Variants in PIK3C2G observed in about 807,000 individuals in gnomAD.
The protein encoded by PIK3C2G is phosphatidylinositol-4-phosphate 3-kinase catalytic subunit type 2 gamma.
In PIK3C2G, 168 loss-of-function variants were observed where a neutral mutation model predicts 181.1. The ratio of observed to expected loss-of-function variants is 0.93; its 90% CI spans 0.82 to 1.05. PIK3C2G has a LOEUF of 1.05. PIK3C2G is among the 50% of genes least tolerant of loss of function. The pLI is 0.00. For synonymous variants in PIK3C2G, 573 were observed against 592.2 expected (o/e 0.97, Z 0.47); for missense variants, 1,869 against 1,732.8 (o/e 1.08, Z -1.40).
intron 24 of PIK3C2G, among the ~76,000 whole-genome samples, chr12:18,527,351 G>T (rs1326760153): frequency 1.3e-5 from 2 of 152,110 alleles, no homozygotes; most frequent in Non-Finnish European, 2.9e-5. Context: ...CTGTTGCTGG[G>T]GGAAACAACT....
chr12:18,700,509 G>A, the PIK3C2G span, among the ~76,000 whole-genome samples: 3 of 4,534 alleles, frequency 6.6e-4, no homozygotes, highest in Admixed American at 0.021. Context: ...CAGAGCCAAC[G>A]TACAAAAAAA....
At chr12:18,692,426 T>C in the PIK3C2G span, among the ~76,000 whole-genome samples, 1 of 152,144 alleles carries the variant, frequency 6.6e-6, no homozygotes, top group Non-Finnish European at 1.5e-5. Flanking sequence ...AGCATAGCAC[T>C]TAGGTTATAG....
the PIK3C2G span, among the ~76,000 whole-genome samples, chr12:18,719,208 T>C: frequency 6.6e-6 from 1 of 152,160 alleles, no homozygotes; most frequent in Non-Finnish European, 1.5e-5. Context: ...CAGGTGGGAT[T>C]AGAAGGAAAG....
At position 18,253,099 on chromosome 12, in the gene PIK3C2G, A is replaced by C. The variant is rs1177424931; in HGVS notation, c.-79+5017A>C. Among the ~76,000 whole-genome samples the C allele has an allele frequency of 2.0e-5, 3 of 152,150 alleles. No individual in the cohort carries two copies. In the South Asian group the frequency reaches 6.2e-4, roughly 31 times the overall value. ...AGATCTATGCGTCTCACTGTGTATA[A>C]ATTATATCTCAAGAAAAATGATCAT... On this transcript the variant is annotated intron_variant, in intron 1 of 11. Coordinates refer to the PIK3C2G transcript ENST00000535651.
upstream of PIK3C2G, among the ~76,000 whole-genome samples, chr12:18,260,424 G>C (rs1948203332): frequency 6.6e-6 from 1 of 152,022 alleles, no homozygotes; most frequent in African/African-American, 2.4e-5. Context: ...AGGTATGATT[G>C]TTTTCCTGTG....
chr12:18,327,038 A>G (rs1377945527), intron 8 of PIK3C2G, among the ~76,000 whole-genome samples: 2 of 152,122 alleles, frequency 1.3e-5, no homozygotes, highest in East Asian at 3.9e-4. Flanking sequence ...ATGATTGACT[A>G]TTGTAAATTT....
chr12:18,610,053 C>T (rs1948254572), intron 31 of PIK3C2G, among the ~76,000 whole-genome samples: 1 of 152,000 alleles, frequency 6.6e-6, no homozygotes, highest in Admixed American at 6.6e-5. Context: ...TGTAGTTAGC[C>T]TCCAAAGAAA....
chr12:18,317,034 G>A (rs1236343359), intron 6 of PIK3C2G, among the ~76,000 whole-genome samples: 47 of 121,908 alleles, frequency 3.9e-4, no homozygotes, highest in African/African-American at 1.6e-3. Flanking sequence ...TTTTTTTTGA[G>A]ACGGAGTCTC....
intron 3 of PIK3C2G, among the ~76,000 whole-genome samples, chr12:18,288,583 G>T (rs11044007): frequency 0.06 from 9,093 of 152,226 alleles, 399 homozygotes; most frequent in Non-Finnish European, 0.093. Context: ...CTAAATTAGG[G>T]TCTTTAATGT....
chr12:18,686,035 C>T, the PIK3C2G span, among the ~76,000 whole-genome samples: 1 of 151,950 alleles, frequency 6.6e-6, no homozygotes, highest in Non-Finnish European at 1.5e-5. Context: ...TATCCTTTTC[C>T]TCCCAGACTC....
intron 8 of PIK3C2G, 94 bp downstream of exon 8, chr12:18,325,192 A>T (rs17475920): frequency 0.1 from 62,531 of 613,226 alleles, 3,258 homozygotes; most frequent in Non-Finnish European, 0.12. Context: ...AAGATGACAA[A>T]AATGAATAAA....
At chr12:18,650,583 T>C (rs1332837655), downstream of PIK3C2G, among the ~76,000 whole-genome samples, 1 of 148,270 alleles carries the variant, frequency 6.7e-6, no homozygotes, top group Admixed American at 6.7e-5. Flanking sequence ...TTACTGAAAA[T>C]TTTGAGTGCT....
At chr12:18,710,486 T>C in the PIK3C2G span, among the ~76,000 whole-genome samples, 1 of 152,048 alleles carries the variant, frequency 6.6e-6, no homozygotes, top group South Asian at 2.1e-4. Flanking sequence ...TGAGTCATTG[T>C]ACAAATTTCA....
chr12:18,706,246 A>C, the PIK3C2G span, among the ~76,000 whole-genome samples: 4 of 151,810 alleles, frequency 2.6e-5, no homozygotes, highest in Non-Finnish European at 4.4e-5. Flanking sequence ...ATAAAAATAA[A>C]AAAAAAAAAA....
At chr12:18,280,350 A>C (rs1228861846) in intron 1 of PIK3C2G, among the ~76,000 whole-genome samples, 1 of 152,020 alleles carries the variant, frequency 6.6e-6, no homozygotes, top group Admixed American at 6.6e-5. Flanking sequence ...TAAGAAGTGT[A>C]AACAGTAGAA....
At chr12:18,336,806 T>C (rs61914506) in intron 8 of PIK3C2G, among the ~76,000 whole-genome samples, 1,783 of 152,264 alleles carry the variant, frequency 0.012, 21 homozygotes, top group Non-Finnish European at 0.017. Flanking sequence ...TTGTCTTTTA[T>C]AGTATTAATT....
chr12:18,624,088 G>C (rs1451789233), intron 31 of PIK3C2G, among the ~76,000 whole-genome samples: 9 of 151,676 alleles, frequency 5.9e-5, no homozygotes, highest in Non-Finnish European at 1.2e-4. Flanking sequence ...GAAGTGGTTA[G>C]AGTAGGCATC....
chr12:18,701,638 C>A, the PIK3C2G span: 1 of 1,599,248 alleles, frequency 6.3e-7, no homozygotes, highest in Non-Finnish European at 8.5e-7. Flanking sequence ...TCCTCCTCCT[C>A]CTCCTCCTCC....
At chr12:18,626,552 T>C (rs1372347293) in intron 31 of PIK3C2G, among the ~76,000 whole-genome samples, 1 of 152,022 alleles carries the variant, frequency 6.6e-6, no homozygotes, top group Non-Finnish European at 1.5e-5. Context: ...AAATTTTTCT[T>C]TCAGTTTAAA....
Sources: gnomAD v4.1 joint callset for allele counts (sites outside exome capture counted in the v4.1 genomes callset) on GRCh38, gnomAD v4.1.1 for gene constraint, MANE v1.5 for transcripts, NCBI Gene and HGNC (gene_info 2026-07-23, HGNC 2026-07-21) for gene names.